The following ACOXL variants were observed in gnomAD, a reference collection of about 807,000 sequenced individuals.
ACOXL encodes acyl-CoA oxidase like, also known as acyl-coenzyme A oxidase-like protein.
Under a neutral mutation model 71.9 loss-of-function variants are expected in ACOXL, and 70 were observed. The ratio of observed to expected loss-of-function variants is 0.97; its 90% CI spans 0.80 to 1.19. ACOXL has a LOEUF of 1.19. Ranked by LOEUF, ACOXL falls within the 50% of genes most tolerant of loss-of-function variation. The pLI, the probability that ACOXL is intolerant of heterozygous loss-of-function variation, is 0.00. For synonymous variants in ACOXL, 253 were observed against 281.6 expected (o/e 0.90, Z 1.02); for missense variants, 703 against 736.3 (o/e 0.95, Z 0.52).
intron 14 of ACOXL, among the ~76,000 whole-genome samples, chr2:111,025,981 A>T (rs564022148): frequency 9.9e-5 from 15 of 152,104 alleles, no homozygotes; most frequent in African/African-American, 3.4e-4. Context: ...TTTCATGTGG[A>T]TGTTCAATTG....
At chr2:110,947,969 C>T (rs181065009) in intron 12 of ACOXL, among the ~76,000 whole-genome samples, 162 of 152,380 alleles carry the variant, frequency 1.1e-3, no homozygotes, top group Non-Finnish European at 1.7e-3. Context: ...GTGCCACTCT[C>T]GTGTCACCGT....
chr2:111,085,973 G>A (rs76728511), intron 16 of ACOXL, among the ~76,000 whole-genome samples: 8,822 of 152,158 alleles, frequency 0.058, 446 homozygotes, highest in African/African-American at 0.13. Flanking sequence ...AGAAGAAAGG[G>A]ATAAGTTCCT....
chr2:110,978,733 A>C (rs1367596782), intron 12 of ACOXL, among the ~76,000 whole-genome samples: 2 of 152,238 alleles, frequency 1.3e-5, no homozygotes, highest in Non-Finnish European at 2.9e-5. Context: ...ATTCGAAACA[A>C]ATCAACATTG....
At chr2:111,102,265 G>A (rs1054960704) in intron 17 of ACOXL, among the ~76,000 whole-genome samples, 2 of 152,158 alleles carry the variant, frequency 1.3e-5, no homozygotes, top group African/African-American at 2.4e-5. Context: ...ATGGGATTTG[G>A]TTTCTTCAGT....
chr2:110,812,709 G>C (rs1687485344), intron 9 of ACOXL, among the ~76,000 whole-genome samples: 1 of 152,250 alleles, frequency 6.6e-6, no homozygotes, highest in Admixed American at 6.5e-5. Context: ...ATAGTAAGTA[G>C]CACAGGACAT....
At chr2:111,010,824 C>T (rs1477358381) in intron 14 of ACOXL, among the ~76,000 whole-genome samples, 1 of 152,112 alleles carries the variant, frequency 6.6e-6, no homozygotes, top group Non-Finnish European at 1.5e-5. Context: ...AAGAATCTAC[C>T]TTGAGCTCTG....
intron 16 of ACOXL, among the ~76,000 whole-genome samples, chr2:111,054,107 A>G (rs1271598171): frequency 6.6e-6 from 1 of 152,208 alleles, no homozygotes; most frequent in East Asian, 1.9e-4. Flanking sequence ...TGCCAAAGGT[A>G]CCTGGCTAGA....
chr2:110,957,111 A>G (rs2061528659), intron 12 of ACOXL, among the ~76,000 whole-genome samples: 1 of 150,928 alleles, frequency 6.6e-6, no homozygotes, highest in Non-Finnish European at 1.5e-5. Context: ...CTCACGGAAA[A>G]TCTTACTCAC....
chr2:111,084,025 GA>G (rs34103286), intron 16 of ACOXL, among the ~76,000 whole-genome samples: 2 of 150,834 alleles, frequency 1.3e-5, no homozygotes, highest in African/African-American at 2.4e-5. Flanking sequence ...AATACTTCCA[GA>G]AAAAAAAATG....
At chr2:110,983,103 T>A (rs1464365918) in intron 12 of ACOXL, among the ~76,000 whole-genome samples, 1 of 152,232 alleles carries the variant, frequency 6.6e-6, no homozygotes, top group Non-Finnish European at 1.5e-5. Context: ...CCTGGATTCA[T>A]AATGGATATC....
intron 11 of ACOXL, among the ~76,000 whole-genome samples, chr2:110,925,657 TA>T (rs2060242438): frequency 6.6e-6 from 1 of 152,236 alleles, no homozygotes; most frequent in South Asian, 2.1e-4. Context: ...TCCAGACCAC[TA>T]AAACTTTCTC....
chr2:111,087,667 G>T (rs180889743), intron 16 of ACOXL, among the ~76,000 whole-genome samples: 26 of 152,278 alleles, frequency 1.7e-4, no homozygotes, highest in Admixed American at 1.5e-3. Context: ...ACTCAAGATG[G>T]ATTAAAGACT....
At chr2:111,058,786 A>T (rs1456413036) in intron 16 of ACOXL, among the ~76,000 whole-genome samples, 3 of 152,198 alleles carry the variant, frequency 2.0e-5, no homozygotes, top group African/African-American at 7.2e-5. Flanking sequence ...GAAGGGAAGG[A>T]TAAAAAAAGG....
intron 10 of ACOXL, among the ~76,000 whole-genome samples, chr2:110,860,733 G>GA (rs1693845210): frequency 6.6e-6 from 1 of 152,194 alleles, no homozygotes; most frequent in Admixed American, 6.5e-5. Context: ...CAGGAGCTTT[G>GA]GAGAGAGAGA....
intron 12 of ACOXL, among the ~76,000 whole-genome samples, chr2:110,944,461 T>A (rs978008564): frequency 6.6e-6 from 1 of 152,168 alleles, no homozygotes; most frequent in African/African-American, 2.4e-5. Context: ...ACCCAGCTAA[T>A]AGCATAGTCC....
intron 15 of ACOXL, among the ~76,000 whole-genome samples, chr2:111,041,586 C>T (rs892059797): frequency 3.0e-5 from 4 of 132,192 alleles, no homozygotes; most frequent in African/African-American, 1.1e-4. Context: ...ACAGTGGCTG[C>T]CGCCTCTGGC....
intron 2 of ACOXL, among the ~76,000 whole-genome samples, chr2:110,775,432 C>A (rs1307835230): frequency 6.6e-6 from 1 of 151,968 alleles, no homozygotes; most frequent in African/African-American, 2.4e-5. Context: ...CATCAAGGGA[C>A]ACTATCAACA....
At chr2:111,093,468 G>GATT in intron 17 of ACOXL, 8 of 1,613,970 alleles carry the variant, frequency 5.0e-6, no homozygotes, top group Middle Eastern at 1.6e-4. Context: ...ACACATTTCT[G>GATT]ATTACATCCT....
At chr2:110,750,872 A>G (rs906240915) in intron 1 of ACOXL, among the ~76,000 whole-genome samples, 2 of 151,900 alleles carry the variant, frequency 1.3e-5, no homozygotes, top group Non-Finnish European at 2.9e-5. Flanking sequence ...TTTTGTAGAG[A>G]TGGGGCTTCG....
Sources: gnomAD v4.1 joint callset for allele counts (sites outside exome capture counted in the v4.1 genomes callset) on GRCh38, gnomAD v4.1.1 for gene constraint, MANE v1.5 for transcripts, NCBI Gene and HGNC (gene_info 2026-07-23, HGNC 2026-07-21) for gene names.